LRP1B: variants seen among roughly 807,000 people sequenced by gnomAD.
The protein encoded by LRP1B is low-density lipoprotein receptor-related protein 1B.
LRP1B carries 217 observed loss-of-function variants against 556.6 expected under a neutral mutation model. That is an observed-to-expected ratio of 0.39 (90% CI 0.35 to 0.44). The LOEUF (loss-of-function observed/expected upper bound fraction) is 0.44. LRP1B is among the 20% of genes least tolerant of loss of function. The pLI is 1.00. For synonymous variants in LRP1B, 2,047 were observed against 1,865.8 expected, an observed-to-expected ratio of 1.10 and a Z score of -2.50; for missense variants, 5,053 against 5,620.8, an observed-to-expected ratio of 0.90 and a Z score of 3.23.
chr2:141,053,910 G>A (rs746917508), intron 10 of LRP1B, among the ~76,000 whole-genome samples: 12 of 151,352 alleles, frequency 7.9e-5, no homozygotes, highest in Admixed American at 4.0e-4. Context: ...AGACACACAT[G>A]TACCCACACA....
intron 2 of LRP1B, among the ~76,000 whole-genome samples, chr2:141,710,084 A>T (rs116467987): frequency 0.024 from 3,708 of 152,154 alleles, 154 homozygotes; most frequent in African/African-American, 0.085. Flanking sequence ...AAATCTAAAT[A>T]CCATTACACT....
Position 141,544,383 on chromosome 2 carries a change from TCC to T in LRP1B, c.206-63852_206-63851del, listed in dbSNP as rs1165215090. On this transcript the variant is annotated intron_variant, in intron 2 of 90. Transcript: ENST00000389484. ...CTTCTTCTTCTTCTTCTTCTTCTTC[TCC>T]TCCTCCTCCTCCTCCTCCTCCTCCT... 7.1e-3 allele frequency among the ~76,000 whole-genome samples: 503 copies of T among 70,938 alleles called. 22 individuals carry two copies. The highest frequency in any genetic ancestry group is 0.016 in the African/African-American group (348 of 21,242). 46.5% of individuals were successfully genotyped at this position (70,938 alleles called of 152,430 possible). A position where few individuals can be genotyped will look rare whatever the true frequency, so the allele number is the denominator to read the frequency against.
At chr2:141,965,061 A>C (rs2105062744) in intron 1 of LRP1B, among the ~76,000 whole-genome samples, 2 of 110,388 alleles carry the variant, frequency 1.8e-5, no homozygotes, top group African/African-American at 7.0e-5. Context: ...ATCTCACACC[A>C]GTTAGAATGG....
At chr2:140,639,186 G>A (rs900272246) in intron 41 of LRP1B, among the ~76,000 whole-genome samples, 1 of 152,030 alleles carries the variant, frequency 6.6e-6, no homozygotes, top group African/African-American at 2.4e-5. Context: ...TCAACGTTGT[G>A]ATAATCATAA....
intron 2 of LRP1B, among the ~76,000 whole-genome samples, chr2:141,696,523 T>A (rs1691738428): frequency 6.6e-6 from 1 of 151,974 alleles, no homozygotes; most frequent in South Asian, 2.1e-4. Context: ...TCTGGACAAT[T>A]TAAATTATTA....
At chr2:140,256,784 A>G (rs990013346) in intron 86 of LRP1B, among the ~76,000 whole-genome samples, 6 of 151,680 alleles carry the variant, frequency 4.0e-5, no homozygotes, top group Middle Eastern at 3.4e-3. Flanking sequence ...TTCTTTTTGT[A>G]AGGCAATAAA....
chr2:141,553,922 T>C (rs995317617), intron 2 of LRP1B, among the ~76,000 whole-genome samples: 16 of 137,686 alleles, frequency 1.2e-4, no homozygotes, highest in African/African-American at 3.9e-4. Flanking sequence ...ATAATATATC[T>C]ATATTAATAT....
intron 2 of LRP1B, among the ~76,000 whole-genome samples, chr2:141,601,185 T>C (rs1459276439): frequency 6.8e-6 from 1 of 146,236 alleles, no homozygotes; most frequent in Admixed American, 6.9e-5. Flanking sequence ...AAACATATAG[T>C]ATCTGTCTGT....
intron 86 of LRP1B, chr2:140,269,212 T>C: frequency 2.1e-6 from 1 of 465,418 alleles, no homozygotes; most frequent in Non-Finnish European, 4.5e-6. Context: ...ACCAATGAAC[T>C]GTGGCCTGAA....
intron 2 of LRP1B, among the ~76,000 whole-genome samples, chr2:141,759,373 T>A (rs975685548): frequency 6.6e-6 from 1 of 152,126 alleles, no homozygotes; most frequent in Non-Finnish European, 1.5e-5. Flanking sequence ...AGATGTGCTA[T>A]TAGAATGCAG....
intron 3 of LRP1B, among the ~76,000 whole-genome samples, chr2:141,268,024 G>T (rs968042669): frequency 1.3e-5 from 2 of 152,048 alleles, no homozygotes; most frequent in African/African-American, 4.8e-5. Context: ...CCCCTCATGG[G>T]ACACATAAAT....
chr2:142,071,744 C>T (rs1033902415), intron 1 of LRP1B, among the ~76,000 whole-genome samples: 8 of 151,938 alleles, frequency 5.3e-5, no homozygotes, highest in African/African-American at 1.9e-4. Flanking sequence ...AGGCTCCCTT[C>T]TCTTCTTTCT....
At chr2:140,317,854 T>A (rs1684594060) in intron 82 of LRP1B, among the ~76,000 whole-genome samples, 1 of 152,062 alleles carries the variant, frequency 6.6e-6, no homozygotes, top group Non-Finnish European at 1.5e-5. Context: ...GCACCAGAAA[T>A]TTTAAAGTAC....
chr2:141,943,314 A>G (rs1468286420), intron 1 of LRP1B, among the ~76,000 whole-genome samples: 4 of 152,186 alleles, frequency 2.6e-5, no homozygotes, highest in Non-Finnish European at 4.4e-5. Context: ...GTGTTATAAC[A>G]ATGGGTCTTG....
intron 3 of LRP1B, among the ~76,000 whole-genome samples, chr2:141,411,509 T>A (rs1015014018): frequency 2.0e-5 from 3 of 152,114 alleles, no homozygotes; most frequent in Non-Finnish European, 4.4e-5. Context: ...TGAGAATTAG[T>A]GTGAAACCAG....
At chr2:141,192,458 G>A (rs892371636) in intron 6 of LRP1B, among the ~76,000 whole-genome samples, 4 of 151,844 alleles carry the variant, frequency 2.6e-5, no homozygotes, top group Admixed American at 1.3e-4. Flanking sequence ...AAGTTCATAG[G>A]AGATGAATGA....
chr2:140,254,528 TTTTGTTTG>T (rs548171873), intron 86 of LRP1B, among the ~76,000 whole-genome samples: 3 of 152,000 alleles, frequency 2.0e-5, no homozygotes, highest in Non-Finnish European at 4.4e-5. Context: ...TTTTTTTGTT[TTTTGTTTG>T]TTTGTTTGTT....
chr2:141,508,883 T>G (rs1684024091), intron 2 of LRP1B, among the ~76,000 whole-genome samples: 1 of 152,088 alleles, frequency 6.6e-6, no homozygotes, highest in Admixed American at 6.6e-5. Flanking sequence ...GGAAAGATAA[T>G]TTGTCCTGAT....
chr2:140,433,428 T>TA (rs1413714136), intron 66 of LRP1B, among the ~76,000 whole-genome samples: 3 of 152,122 alleles, frequency 2.0e-5, no homozygotes, highest in South Asian at 2.1e-4. Context: ...TTAATTAATT[T>TA]AAAAAATGGT....
Sources: allele counts gnomAD v4.1 joint callset (sites outside exome capture counted in the v4.1 genomes callset), GRCh38; gene constraint gnomAD v4.1.1; transcripts MANE v1.5; gene names NCBI Gene and HGNC (gene_info 2026-07-23, HGNC 2026-07-21).